NTF3: variants seen among roughly 807,000 people sequenced by gnomAD.
The protein encoded by NTF3 is neurotrophin 3.
In NTF3, 8 loss-of-function variants were observed where a neutral mutation model predicts 26.3. The ratio of observed to expected loss-of-function variants is 0.30; its 90% CI spans 0.18 to 0.55. NTF3 has a LOEUF of 0.55. Among genes scored for constraint, NTF3 ranks in the 20% least tolerant of loss-of-function variants. The pLI, the probability that NTF3 is intolerant of heterozygous loss-of-function variation, is 0.93. For missense variants in NTF3, 276 were observed against 352.9 expected (o/e 0.78, Z 1.75); for synonymous variants, 154 against 145.5 (o/e 1.06, Z -0.42).
At chr12:5,460,242 C>T (rs1565389540) in intron 1 of NTF3, among the ~76,000 whole-genome samples, 1 of 152,170 alleles carries the variant, frequency 6.6e-6, no homozygotes, top group South Asian at 2.1e-4. Flanking sequence ...TTGTGTTTTA[C>T]AGTTTTATGG....
At chr12:5,482,161 T>C (rs1028661956) in intron 1 of NTF3, among the ~76,000 whole-genome samples, 9 of 151,992 alleles carry the variant, frequency 5.9e-5, no homozygotes, top group Non-Finnish European at 1.2e-4. Flanking sequence ...TGTGTGCTCA[T>C]GCGTACACGA....
chr12:5,480,641 G>C (rs1178196503), intron 1 of NTF3, among the ~76,000 whole-genome samples: 1 of 152,142 alleles, frequency 6.6e-6, no homozygotes, highest in Non-Finnish European at 1.5e-5. Flanking sequence ...TTGAACAGAG[G>C]GCTACAGAAG....
chr12:5,443,263 G>GC (rs1399733898), intron 1 of NTF3, among the ~76,000 whole-genome samples: 5 of 152,010 alleles, frequency 3.3e-5, no homozygotes, highest in Non-Finnish European at 7.4e-5. Context: ...TCATGTAAGG[G>GC]CCCCCCCATC....
At chr12:5,478,290 TC>T (rs1339902496) in intron 1 of NTF3, among the ~76,000 whole-genome samples, 6 of 152,260 alleles carry the variant, frequency 3.9e-5, no homozygotes, top group African/African-American at 1.4e-4. Flanking sequence ...TATTACTTCC[TC>T]CTTTTTCTTG....
Position 5,432,352 on chromosome 12 carries a change from G to A in NTF3, c.18+10G>A. The A allele has an allele frequency of 6.2e-7, 1 of 1,612,562 alleles. No individual in the cohort carries two copies. The highest frequency in any genetic ancestry group is 2.2e-5 in the East Asian group (1 of 44,828). On this transcript the variant is annotated intron_variant, in intron 1 of 1. Transcript: ENST00000423158. ...GGTTACTTTTGCCACGGTAAGGGGAGGCGGCGGGCACCTTGGGTGGGCAGG... is the reference window on the plus strand; with the variant it reads ...GGTTACTTTTGCCACGGTAAGGGGAAGCGGCGGGCACCTTGGGTGGGCAGG...
intron 1 of NTF3, among the ~76,000 whole-genome samples, chr12:5,455,583 CATAG>C (rs1433566959): frequency 1.1e-4 from 6 of 54,462 alleles, no homozygotes; most frequent in South Asian, 7.2e-4. Context: ...CACACACACA[CATAG>C]CCCCTGTGAT....
chr12:5,435,065 G>T (rs534974148), intron 1 of NTF3, among the ~76,000 whole-genome samples: 26 of 152,254 alleles, frequency 1.7e-4, no homozygotes, highest in African/African-American at 5.5e-4. Flanking sequence ...TTAGAATGAG[G>T]GATGTACATT....
At chr12:5,465,766 G>A (rs1290030448) in intron 1 of NTF3, among the ~76,000 whole-genome samples, 1 of 152,216 alleles carries the variant, frequency 6.6e-6, no homozygotes, top group Non-Finnish European at 1.5e-5. Flanking sequence ...GATCCTTTGA[G>A]TTCCAGGCCA....
At chr12:5,455,294 A>G (rs1342211246) in intron 1 of NTF3, among the ~76,000 whole-genome samples, 1 of 152,154 alleles carries the variant, frequency 6.6e-6, no homozygotes, top group Non-Finnish European at 1.5e-5. Context: ...TTCTTTGACG[A>G]TGGCATACAT....
intron 1 of NTF3, among the ~76,000 whole-genome samples, chr12:5,480,039 C>G (rs1210656535): frequency 6.6e-6 from 1 of 152,206 alleles, no homozygotes; most frequent in African/African-American, 2.4e-5. Flanking sequence ...AAGTAGTTCT[C>G]AGGCTCCCTT....
At chr12:5,479,883 T>C (rs1455977869) in intron 1 of NTF3, among the ~76,000 whole-genome samples, 1 of 152,210 alleles carries the variant, frequency 6.6e-6, no homozygotes, top group Admixed American at 6.5e-5. Flanking sequence ...CTAGGCCTCA[T>C]GTTTTCCCAC....
Position 5,433,818 on chromosome 12 carries a change from T to C in NTF3, c.18+1476T>C, listed in dbSNP as rs1004550020. Reference sequence around the variant, plus strand: ...TCGGGAGACTGTGCGCCTGTGGACTTGTTTATGTGTGTGAAGAGGCGGGGG... The same window carrying C: ...TCGGGAGACTGTGCGCCTGTGGACTCGTTTATGTGTGTGAAGAGGCGGGGG... On this transcript the variant is annotated intron_variant, in intron 1 of 1. Transcript: ENST00000423158. The surrounding 1 kb of genome is among the most constrained non-coding windows in gnomAD (Gnocchi z 4.6). Among the ~76,000 whole-genome samples the C allele has an allele frequency of 6.7e-6, 1 of 149,532 alleles. No individual in the cohort carries two copies. The highest frequency in any genetic ancestry group is 1.5e-5 in the Non-Finnish European group (1 of 67,386).
intron 1 of NTF3, among the ~76,000 whole-genome samples, chr12:5,474,670 C>T (rs930807958): frequency 2.6e-5 from 4 of 151,924 alleles, no homozygotes; most frequent in East Asian, 3.9e-4. Flanking sequence ...CATTCCAGTG[C>T]GGGGAAGAAA....
intron 1 of NTF3, among the ~76,000 whole-genome samples, chr12:5,481,428 C>G (rs56089261): frequency 1.3e-5 from 2 of 151,916 alleles, no homozygotes; most frequent in East Asian, 3.9e-4. Context: ...TACATGCACA[C>G]ATACACAGAC....
chr12:5,486,880 G>GGT (rs10527557), intron 1 of NTF3, among the ~76,000 whole-genome samples: 12,521 of 148,684 alleles, frequency 0.084, 553 homozygotes, highest in Non-Finnish European at 0.1. Context: ...GTAGTTACGT[G>GGT]GTGTGTGTGT....
At chr12:5,439,630 C>G (rs1232607278) in intron 1 of NTF3, among the ~76,000 whole-genome samples, 1 of 152,198 alleles carries the variant, frequency 6.6e-6, no homozygotes, top group African/African-American at 2.4e-5. Context: ...GACAAGGGAA[C>G]CTGCCCTTAC....
At chr12:5,482,798 T>G (rs1226374508) in intron 1 of NTF3, among the ~76,000 whole-genome samples, 5 of 151,896 alleles carry the variant, frequency 3.3e-5, no homozygotes, top group Middle Eastern at 6.8e-3. Context: ...TGTTTCTCTC[T>G]GTATCGCTCT....
In NTF3 at chr12:5,478,161, A is replaced by G. The variant is rs536824420; in HGVS notation, c.19-16033A>G. Among the ~76,000 whole-genome samples, 5 of 152,310 alleles carry G rather than the reference A, an allele frequency of 3.3e-5. No individual in the cohort carries two copies. In the South Asian group the frequency reaches 8.3e-4, roughly 25 times the overall value. The stretch of plus-strand genomic sequence containing the variant: ...TAGGAATCCACAATAAGATTTTTTC[A>G]TTGCAAACCCTCCTAGTATCTTTAA... On this transcript the variant is annotated intron_variant, in intron 1 of 1. Transcript: ENST00000423158.
chr12:5,472,022 CTG>C (rs1037989919), intron 1 of NTF3, among the ~76,000 whole-genome samples: 7 of 152,148 alleles, frequency 4.6e-5, no homozygotes, highest in African/African-American at 1.7e-4. Context: ...ATTTTGATAA[CTG>C]TGCGGTCTGA....
Sources: allele counts gnomAD v4.1 joint callset (sites outside exome capture counted in the v4.1 genomes callset), GRCh38; gene constraint gnomAD v4.1.1; non-coding constraint Gnocchi (gnomAD v3.1); transcripts MANE v1.5; gene names NCBI Gene and HGNC (gene_info 2026-07-23, HGNC 2026-07-21).